The following STRC variants were observed in gnomAD, a reference collection of about 807,000 sequenced individuals.
The protein encoded by STRC is stereocilin.
Under a neutral mutation model 103.5 loss-of-function variants are expected in STRC, and 43 were observed. That is an observed-to-expected ratio of 0.42 (90% CI 0.33 to 0.54). The LOEUF is 0.54. Among genes scored for constraint, STRC ranks in the 20% least tolerant of loss-of-function variants. The pLI is 0.14. For missense variants in STRC, 499 were observed against 1,088.5 expected (o/e 0.46, Z 7.62); for synonymous variants, 186 against 442.3 (o/e 0.42, Z 7.27).
chr15:43,610,018 C>T (rs2085736817), intron 15 of STRC: 1 of 312,326 alleles, frequency 3.2e-6, no homozygotes, highest in African/African-American at 2.6e-5. Flanking sequence ...AGCAAGACTT[C>T]ATCTCAAAAA....
intron 12 of STRC, 84 bp downstream of exon 12, chr15:43,611,413 GGA>G: frequency 4.5e-6 from 2 of 447,148 alleles, no homozygotes; most frequent in East Asian, 3.7e-5. Flanking sequence ...TGAGGGGAGC[GGA>G]GAGAGAGGAG....
At chr15:43,605,124 G>C (rs2085702567) in intron 19 of STRC, 140 bp downstream of exon 19, 1 of 1,527,662 alleles carries the variant, frequency 6.5e-7, no homozygotes, top group South Asian at 1.2e-5. Flanking sequence ...GGCAAAACAG[G>C]GGCCAGGCCT....
chr15:43,600,959 A>T lies in STRC; in HGVS notation c.4757T>A (p.Leu1586Gln), dbSNP rs1161493337. The change falls in exon 25 of 29, where the codon CTG becomes CAG. Residue 1586 changes from leucine (L) to glutamine (Q), a missense_variant. Coordinates refer to ENST00000450892, the MANE Select transcript of STRC (RefSeq NM_153700.2). The part of the protein sequence containing the change: ...LRQSGRHVSH[L>Q]DFVHLTALGY... ...CAGCGCTGTCAGATGAACGAAGTCC[A>T]GGTGGCTCACATGCCGACCACTCTG... The T allele has an allele frequency of 1.3e-6, 2 of 1,561,652 alleles. No individual in the cohort carries two copies. Among genetic ancestry groups the T allele is most frequent in the Non-Finnish European group, 1.7e-6 (2 of 1,150,178 alleles).
At position 43,600,733 on chromosome 15, in the gene STRC, G is replaced by A. The variant is rs374759204; in HGVS notation, c.4845-51C>T. The A allele has an allele frequency of 5.0e-4, 800 of 1,612,678 alleles. 8 individuals are homozygous for A. Among genetic ancestry groups the A allele is most frequent in the East Asian group, 4.2e-3 (190 of 44,862 alleles). On this transcript the variant is annotated intron_variant, in intron 25 of 28. Transcript: ENST00000450892. ...GAAGAATTCGGCTTCAGTGAAAGGG[G>A]CTGTGGTCATGAGACAAAGGAAGAG...
chr15:43,600,692 A>G lies in STRC; in HGVS notation c.4845-10T>C. The G allele has an allele frequency of 1.2e-6, 2 of 1,613,094 alleles. No individual in the cohort carries two copies. The highest frequency in any genetic ancestry group is 1.3e-5 in the African/African-American group (1 of 74,798). On this transcript the variant is annotated splice_polypyrimidine_tract_variant and intron_variant, in intron 25 of 28. Coordinates refer to ENST00000450892, the MANE Select transcript of STRC (RefSeq NM_153700.2). ...GAAGAGAGCTGCTTGGCTGTAGAACAGTAGGAAGGAAGGAAGAAGAATTCG... is the reference window on the plus strand; with the variant it reads ...GAAGAGAGCTGCTTGGCTGTAGAACGGTAGGAAGGAAGGAAGAAGAATTCG...
intron 19 of STRC, 123 bp from the exon 20 acceptor site, chr15:43,604,969 C>G: frequency 7.0e-7 from 1 of 1,428,452 alleles, no homozygotes; most frequent in Non-Finnish European, 9.6e-7. Flanking sequence ...CCCTATGATG[C>G]TCACTACCTT....
chr15:43,601,245 T>A, intron 24 of STRC, 151 bp downstream of exon 24: 1 of 1,300,116 alleles, frequency 7.7e-7, no homozygotes, highest in Non-Finnish European at 1.1e-6. Context: ...ATCAGAGTCC[T>A]GAAGGTCACT....
intron 26 of STRC, 48 bp downstream of exon 26, chr15:43,600,486 G>T: frequency 1.9e-6 from 3 of 1,604,532 alleles, no homozygotes; most frequent in Non-Finnish European, 2.6e-6. Context: ...GTCCACCCAT[G>T]GTATAGAAAC....
chr15:43,609,134 C>G, intron 16 of STRC, 142 bp downstream of exon 16: 1 of 724,066 alleles, frequency 1.4e-6, no homozygotes, highest in Non-Finnish European at 2.5e-6. Flanking sequence ...AAGGGAGGTG[C>G]TAGGAGAACG....
chr15:43,604,219 A>G, intron 21 of STRC, 67 bp from the exon 22 acceptor site: 2 of 1,604,384 alleles, frequency 1.2e-6, no homozygotes, highest in East Asian at 4.5e-5. Context: ...TATAGCTCTA[A>G]GTCCAAAGTC....
intron 22 of STRC, 143 bp from the exon 23 acceptor site, chr15:43,603,554 A>AC: frequency 1.1e-6 from 1 of 924,392 alleles, no homozygotes; most frequent in Non-Finnish European, 1.7e-6. Context: ...ACAGAGTAAT[A>AC]TGTATAGGGC....
At chr15:43,604,583 C>T (rs1595959127) in intron 20 of STRC, 67 bp downstream of exon 20, 1 of 1,612,568 alleles carries the variant, frequency 6.2e-7, no homozygotes, top group East Asian at 2.2e-5. Context: ...CAGGCTGCCA[C>T]TGATGATGGT....
Position 43,604,812 on chromosome 15 carries a change from A to G in STRC, c.3965T>C (p.Leu1322Pro), listed in dbSNP as rs756526028. The G allele has an allele frequency of 1.2e-6, 2 of 1,612,904 alleles. No homozygotes were observed. The highest frequency in any genetic ancestry group is 4.5e-5 in the East Asian group (2 of 44,852). ...TCCAACCAAAGGGCCTAAGGTCTCCAGCACTTCCCCTGAGACTGGAGTCTC... is the reference window on the plus strand; with the variant it reads ...TCCAACCAAAGGGCCTAAGGTCTCCGGCACTTCCCCTGAGACTGGAGTCTC... Reference protein sequence around the residue: ...PKETPVSGEVLETLGPLVGFL... With the variant: ...PKETPVSGEVPETLGPLVGFL... Residue 1322 changes from leucine to proline, a missense_variant, in exon 20 of 29, where the codon CTG becomes CCG. Transcript: ENST00000450892.
chr15:43,605,502 C>G, intron 18 of STRC, 103 bp from the exon 19 acceptor site: 1 of 1,537,052 alleles, frequency 6.5e-7, no homozygotes, highest in Non-Finnish European at 8.8e-7. Context: ...GACCCCAGAC[C>G]AAATTTAGTG....
chr15:43,617,452 AC>A lies in STRC; in HGVS notation c.875+5del. The A allele has an allele frequency of 3.0e-6, 1 of 335,568 alleles. No homozygotes were observed. The highest frequency in any genetic ancestry group is 2.4e-5 in the South Asian group (1 of 41,570). The allele number at this position is 335,568 out of a possible 1,614,324, so 20.8% of individuals were successfully genotyped here. On this transcript the variant is annotated splice_donor_5th_base_variant and intron_variant, in intron 3 of 28. Coordinates refer to ENST00000450892, the MANE Select transcript of STRC (RefSeq NM_153700.2). ...AATCCCTCAGAACTGGTCTCCTGTT[AC>A]TTACCATAAGAGCAGCTGTTGAAGG... is the stretch of plus-strand genomic sequence containing the variant.
In STRC at chr15:43,600,884, C is replaced by T. The variant is rs1170527150; in HGVS notation, c.4832G>A (p.Ser1611Asn). 2 of 1,613,266 alleles carry T rather than the reference C, an allele frequency of 1.2e-6. No individual in the cohort carries two copies. The highest frequency in any genetic ancestry group is 1.7e-6 in the Non-Finnish European group (2 of 1,179,794). The change falls in exon 25 of 29, where the codon AGT (serine) becomes AAT (asparagine). Residue 1611 changes from serine to asparagine, a missense_variant. Transcript: ENST00000450892. ...CTTCACAAATGACCTGAACTCCCAA[C>T]TGCTGATGTGCTGGAGCTCCTCTGG... ...LRPEELQHIS[S>N]WEFSQAALFL... is the part of the protein sequence containing the mutation.
At chr15:43,605,479 G>A (rs150507262) in intron 18 of STRC, 80 bp from the exon 19 acceptor site, 20 of 1,549,676 alleles carry the variant, frequency 1.3e-5, no homozygotes, top group African/African-American at 2.7e-5. Context: ...CCCACAGTCC[G>A]CAGCTAAGAT....
At position 43,604,289 on chromosome 15, in the gene STRC, C is replaced by A. The variant is rs1332090766; in HGVS notation, c.4218+72G>T. The A allele has an allele frequency of 6.9e-6, 11 of 1,592,168 alleles. No individual in the cohort carries two copies. In the Admixed American group the frequency reaches 1.9e-4, roughly 28 times the overall value. ...GCTTCATATCCTTTGCCCTCTTTGGCCACGGGTCCCCATAACCAGCTCACC... is the reference window on the plus strand; with the variant it reads ...GCTTCATATCCTTTGCCCTCTTTGGACACGGGTCCCCATAACCAGCTCACC... On this transcript the variant is annotated intron_variant, in intron 21 of 28. Transcript: ENST00000450892.
chr15:43,609,418 T>G, intron 15 of STRC, 84 bp from the exon 16 acceptor site: 1 of 1,341,664 alleles, frequency 7.5e-7, no homozygotes, highest in South Asian at 1.2e-5. Flanking sequence ...AGGACTGCCT[T>G]GGACCCAGTC....
Sources: gnomAD v4.1 joint callset for allele counts on GRCh38, gnomAD v4.1.1 for gene constraint, MANE v1.5 for transcripts, NCBI Gene and HGNC (gene_info 2026-07-23, HGNC 2026-07-21) for gene names.